Variants in DVL3 observed in about 807,000 individuals in gnomAD.
DVL3 encodes the protein dishevelled segment polarity protein 3.
DVL3 carries 27 observed loss-of-function variants against 67.4 expected under a neutral mutation model. The ratio of observed to expected loss-of-function variants is 0.40; its 90% CI spans 0.30 to 0.55. The LOEUF is 0.55. Among genes scored for constraint, DVL3 ranks in the 20% least tolerant of loss-of-function variants. The pLI is 0.46. For missense variants in DVL3, 819 were observed against 1,021.5 expected (o/e 0.80, Z 2.70); for synonymous variants, 369 against 396.8 (o/e 0.93, Z 0.83).
In DVL3 at chr3:184,171,578, G is replaced by A. The variant is rs1007493748; in HGVS notation, c.*823G>A. 7.1e-6 allele frequency: 7 copies of A among 985,730 alleles called. No homozygotes were observed. The highest frequency in any genetic ancestry group is 5.2e-5 in the African/African-American group (3 of 57,204). 61.1% of individuals were successfully genotyped at this position (985,730 alleles called of 1,614,324 possible). A position where few individuals can be genotyped will look rare whatever the true frequency, so the allele number is the denominator to read the frequency against. On this transcript the variant is annotated 3_prime_UTR_variant, in exon 15 of 15. Transcript: ENST00000313143. ...TGGGCCTGGAGCAGCCAAGAATTTC[G>A]GGCTGTTTGACTTTCTGTGAGCCCC...
In DVL3 at chr3:184,165,900, T is replaced by G. The variant is rs1318806453; in HGVS notation, c.764-226T>G. Among the ~76,000 whole-genome samples the G allele has an allele frequency of 2.0e-5, 3 of 152,220 alleles. No homozygotes were observed. Among genetic ancestry groups the G allele is most frequent in the Non-Finnish European group, 4.4e-5 (3 of 68,046 alleles). Reference sequence around the variant, plus strand: ...CACTTACTGGCTTAGAAAAGTCATCTTCTAAGTTCACTGAACCTCAGTTGC... The same window carrying G: ...CACTTACTGGCTTAGAAAAGTCATCGTCTAAGTTCACTGAACCTCAGTTGC... On this transcript the variant is annotated intron_variant, in intron 7 of 14. Coordinates refer to ENST00000313143, the MANE Select transcript of DVL3 (RefSeq NM_004423.4). This position sits in a 1 kb window ranked among gnomAD's most constrained non-coding sequence, Gnocchi z 4.1.
chr3:184,171,270 A>C lies in DVL3; in HGVS notation c.*515A>C. ...ATATTTGCTTCATCTGCCCCTACTA[A>C]CCATCCCCCTGCCTGCTGCCTCAGT... On this transcript the variant is annotated 3_prime_UTR_variant, in exon 15 of 15. Transcript: ENST00000313143. 5 of 1,032,252 alleles carry C rather than the reference A, an allele frequency of 4.8e-6. No homozygotes were observed. Among genetic ancestry groups the C allele is most frequent in the Non-Finnish European group, 5.8e-6 (5 of 859,482 alleles). 63.9% of individuals were successfully genotyped at this position (1,032,252 alleles called of 1,614,324 possible).
chr3:184,161,866 T>C (rs1040905800), intron 1 of DVL3, among the ~76,000 whole-genome samples: 1 of 152,246 alleles, frequency 6.6e-6, no homozygotes, highest in Admixed American at 6.5e-5. Flanking sequence ...CTTGGACAAG[T>C]TAACTGAATA....
At chr3:184,162,572 T>C (rs1222236068) in intron 1 of DVL3, among the ~76,000 whole-genome samples, 1 of 148,884 alleles carries the variant, frequency 6.7e-6, no homozygotes, top group Admixed American at 6.7e-5. Flanking sequence ...TTTTTTTTTT[T>C]TTTTTGACAC....
At position 184,167,488 on chromosome 3, in the gene DVL3, A is replaced by T; in HGVS notation, c.1199-92A>T. On this transcript the variant is annotated intron_variant, in intron 11 of 14. Transcript: ENST00000313143. The surrounding 1 kb of genome is among the most constrained non-coding windows in gnomAD (Gnocchi z 4.6). ...CAGTAATTTTCCCAGCATTGATCCC[A>T]TAATTACTAGATGGTAGAGCTAGAA... 1 of 1,279,788 alleles carries T rather than the reference A, an allele frequency of 7.8e-7. No homozygotes were observed. The highest frequency in any genetic ancestry group is 1.1e-6 in the Non-Finnish European group (1 of 911,280). The allele number at this position is 1,279,788 out of a possible 1,614,324, so 79.3% of individuals were successfully genotyped here.
chr3:184,158,505 T>G (rs1174717571), intron 1 of DVL3, among the ~76,000 whole-genome samples: 1 of 152,156 alleles, frequency 6.6e-6, no homozygotes, highest in African/African-American at 2.4e-5. Context: ...ATTTTACTGA[T>G]GAATCCTCTC....
Position 184,164,276 on chromosome 3 carries a change from G to A in DVL3, c.241G>A (p.Ala81Thr), listed in dbSNP as rs1241306634. The A allele has an allele frequency of 6.2e-7, 1 of 1,614,006 alleles. No homozygotes were observed. The highest frequency in any genetic ancestry group is 8.5e-7 in the Non-Finnish European group (1 of 1,179,954). The change falls in exon 3 of 15, where the codon GCT becomes ACT. Residue 81 changes from alanine to threonine, a missense_variant. Physicochemically the swap from Ala to Thr is moderately conservative, Grantham distance 58. This residue lies in a region of DVL3 where 385 missense variants were observed against 486.8 expected (regional missense o/e 0.79). Transcript: ENST00000313143. This position sits in a 1 kb window ranked among gnomAD's most constrained non-coding sequence, Gnocchi z 5.3. ...NGRVVSWLVSAEGSHPDPAPF... is the reference protein window; with the variant it reads ...NGRVVSWLVSTEGSHPDPAPF... Reference sequence around the variant, plus strand: ...AGTTTCTCCCTTTCAGCTGGTGTCAGCTGAGGGCTCACACCCAGACCCAGC... The same window carrying A: ...AGTTTCTCCCTTTCAGCTGGTGTCAACTGAGGGCTCACACCCAGACCCAGC...
Position 184,155,884 on chromosome 3 carries a change from C to G in DVL3, c.161+88C>G. ...CGGTCCGTTTCGACTTGCCTCGCTA[C>G]ACCGGCTCCTAGCCCCGCTCTGACT... On this transcript the variant is annotated intron_variant, in intron 1 of 14. Transcript: ENST00000313143. This position sits in a 1 kb window ranked among gnomAD's most constrained non-coding sequence, Gnocchi z 5.4. 1 of 1,464,744 alleles carries G rather than the reference C, an allele frequency of 6.8e-7. No homozygotes were observed. The highest frequency in any genetic ancestry group is 9.2e-7 in the Non-Finnish European group (1 of 1,087,338). The allele number at this position is 1,464,744 out of a possible 1,614,324, so 90.7% of individuals were successfully genotyped here. A position where few individuals can be genotyped will look rare whatever the true frequency, so the allele number is the denominator to read the frequency against.
At chr3:184,169,497 C>G (rs1276528575) in intron 13 of DVL3, among the ~76,000 whole-genome samples, 2 of 152,088 alleles carry the variant, frequency 1.3e-5, no homozygotes, top group African/African-American at 4.8e-5. Context: ...GAGTTGGAGA[C>G]CAGCCTGGCT....
chr3:184,155,783 G>A lies in DVL3; in HGVS notation c.148G>A (p.Asp50Asn). ...CTATAAGTTCTTCTTCAAGTCTATGGACGACGATTTCGGGTGAGGATGGCC... is the reference window on the plus strand; with the variant it reads ...CTATAAGTTCTTCTTCAAGTCTATGAACGACGATTTCGGGTGAGGATGGCC... ...PSYKFFFKSM[D>N]DDFGVVKEEI... Residue 50 changes from aspartate to asparagine, a missense_variant, in exon 1 of 15, where the codon GAC becomes AAC. Transcript: ENST00000313143. This position sits in a 1 kb window ranked among gnomAD's most constrained non-coding sequence, Gnocchi z 5.4. 6.2e-7 allele frequency: 1 copy of A among 1,610,366 alleles called. No homozygotes were observed. Among genetic ancestry groups the A allele is most frequent in the Non-Finnish European group, 8.5e-7 (1 of 1,178,646 alleles).
At chr3:184,162,229 G>C (rs1714406546) in intron 1 of DVL3, among the ~76,000 whole-genome samples, 1 of 149,748 alleles carries the variant, frequency 6.7e-6, no homozygotes, top group Non-Finnish European at 1.5e-5. Context: ...CCAGGCTGGA[G>C]TGCAGTGGCA....
chr3:184,165,850 A>G lies in DVL3; in HGVS notation c.764-276A>G, dbSNP rs1314522864. ...AAAGGAGCCCAACTATGGGATTTAA[A>G]TCTGAGTTTGATTCCTGGCTCTGCC... On this transcript the variant is annotated intron_variant, in intron 7 of 14. Coordinates refer to ENST00000313143, the MANE Select transcript of DVL3 (RefSeq NM_004423.4). The surrounding 1 kb of genome is among the most constrained non-coding windows in gnomAD (Gnocchi z 4.1). Among the ~76,000 whole-genome samples, 2 of 152,210 alleles carry G rather than the reference A, an allele frequency of 1.3e-5. No individual in the cohort carries two copies. The highest frequency in any genetic ancestry group is 2.4e-5 in the African/African-American group (1 of 41,442).
In DVL3 at chr3:184,166,663, A is replaced by G; in HGVS notation, c.1038A>G (p.Thr346=). 1.2e-6 allele frequency: 2 copies of G among 1,614,052 alleles called. No homozygotes were observed. The highest frequency in any genetic ancestry group is 1.7e-6 in the Non-Finnish European group (2 of 1,179,974). ...ACCCAAGTCCACGTGGTTGCTTCAC[A>G]TTGCCCAGGAGTAAGTGGATGGGAG... ...CWDPSPRGCF[T]LPRSEPIRPI... The change falls in exon 10 of 15, where the codon ACA becomes ACG. Residue 346 remains threonine, a synonymous_variant. Coordinates refer to ENST00000313143, the MANE Select transcript of DVL3 (RefSeq NM_004423.4). This position sits in a 1 kb window ranked among gnomAD's most constrained non-coding sequence, Gnocchi z 6.7.
chr3:184,162,558 TTC>T (rs1289360112), intron 1 of DVL3, among the ~76,000 whole-genome samples: 163 of 122,154 alleles, frequency 1.3e-3, no homozygotes, highest in African/African-American at 4.5e-3. Flanking sequence ...TCTTTTTCTT[TTC>T]TTTTTTTTTT....
rs750955032 is a variant in DVL3, at chr3:184,166,904, G to C, written c.1127G>C (p.Gly376Ala). 1.6e-5 allele frequency: 26 copies of C among 1,614,058 alleles called. No homozygotes were observed. In the East Asian group the frequency reaches 5.6e-4, roughly 35 times the overall value. ...AAMTGTFPAY[G>A]MSPSLSTITS... is the part of the protein sequence containing the mutation. ...ATGACCGGCACCTTCCCTGCATACG[G>C]CATGAGCCCCTCCCTGAGCACCATC... The change falls in exon 11 of 15, where the codon GGC becomes GCC. Residue 376 changes from glycine (G) to alanine (A), a missense_variant. By Grantham distance (60) the Gly-to-Ala change is moderately conservative. Around this residue, in one of 3 missense-constraint regions of DVL3, gnomAD observed 110 missense variants for 203.4 expected, o/e 0.54. Transcript: ENST00000313143. This position sits in a 1 kb window ranked among gnomAD's most constrained non-coding sequence, Gnocchi z 6.7.
In DVL3 at chr3:184,172,330, C is replaced by T. The variant is rs1221339748; in HGVS notation, c.*1575C>T. 1.3e-5 allele frequency: 2 copies of T among 152,260 alleles called. No individual in the cohort carries two copies. The highest frequency in any genetic ancestry group is 4.8e-5 in the African/African-American group (2 of 41,462). The allele number at this position is 152,260 out of a possible 1,614,324, so 9.4% of individuals were successfully genotyped here. On this transcript the variant is annotated 3_prime_UTR_variant, in exon 15 of 15. Transcript: ENST00000313143. The stretch of plus-strand genomic sequence containing the variant: ...CTCTGCTATAAATTCTCCTGGCTCT[C>T]CTGGGCTTCCATATTTTGGGGGCTG...
rs147978785 is a variant in DVL3, at chr3:184,169,312, C to T, written c.1499-694C>T. Among the ~76,000 whole-genome samples, 316 of 152,318 alleles carry T rather than the reference C, an allele frequency of 2.1e-3. 4 individuals are homozygous for T. Among genetic ancestry groups the T allele is most frequent in the African/African-American group, 6.9e-3 (286 of 41,558 alleles). On this transcript the variant is annotated intron_variant, in intron 13 of 14. Coordinates refer to ENST00000313143, the MANE Select transcript of DVL3 (RefSeq NM_004423.4). ...TATTGTGCCTCATGAACTTCAGGTG[C>T]GACATACCTGGTGGCTGTCTAGTAT...
In DVL3 at chr3:184,164,955, T is replaced by C. The variant is rs770860159; in HGVS notation, c.599+24T>C. On this transcript the variant is annotated intron_variant, in intron 5 of 14. Transcript: ENST00000313143. The surrounding 1 kb of genome is among the most constrained non-coding windows in gnomAD (Gnocchi z 5.3). ...AGGTGGGGCTTGAGTTTCATGGGTA[T>C]TGTGGGGCAGGTGACCCTGGAGGAG... The C allele has an allele frequency of 6.2e-6, 10 of 1,613,868 alleles. No individual in the cohort carries two copies. The highest frequency in any genetic ancestry group is 8.5e-6 in the Non-Finnish European group (10 of 1,179,926).
chr3:184,157,038 A>C (rs1179611743), intron 1 of DVL3: 1 of 155,464 alleles, frequency 6.4e-6, no homozygotes, highest in African/African-American at 2.4e-5. Context: ...CTGCCCTGGA[A>C]CTCAGGGTTG....
Sources: allele counts gnomAD v4.1 joint callset (sites outside exome capture counted in the v4.1 genomes callset), GRCh38; gene constraint gnomAD v4.1.1; regional missense constraint gnomAD v4.1.1; non-coding constraint Gnocchi (gnomAD v3.1); transcripts MANE v1.5; gene names NCBI Gene and HGNC (gene_info 2026-07-23, HGNC 2026-07-21).